Variants in AQP4 observed in about 807,000 individuals in gnomAD.
The protein encoded by AQP4 is aquaporin-4.
In AQP4, 18 loss-of-function variants were observed where a neutral mutation model predicts 27.8. That is an observed-to-expected ratio of 0.65 (90% CI 0.45 to 0.96). The LOEUF is 0.96. Ranked by LOEUF, AQP4 falls within the 40% of genes least tolerant of loss-of-function variation. AQP4 has a pLI of 0.00. For synonymous variants in AQP4, 141 were observed against 142.9 expected (o/e 0.99, Z 0.10); for missense variants, 412 against 408.2 (o/e 1.01, Z -0.08).
At position 26,856,289 on chromosome 18, in the gene AQP4, C is replaced by T. The variant is rs73396660; in HGVS notation, c.894G>A (p.Val298=). The T allele has an allele frequency of 2.7e-4, 436 of 1,614,212 alleles. 1 individual carries two copies. In the African/African-American group the frequency reaches 5.4e-3, roughly 20 times the overall value. ...CCCGGTCAACGTCAATCACATGCAC[C>T]ACTCCAGGTTTTAGAATCAGGTCAT... ...ETDDLILKPG[V]VHVIDVDRGE... is the part of the protein sequence containing the mutation. The change falls in exon 5 of 5, where the codon GTG becomes GTA. Residue 298 remains valine, a synonymous_variant. Transcript: ENST00000383168.
intron 2 of AQP4, chr18:26,861,895 TA>T: frequency 2.1e-6 from 1 of 482,018 alleles, no homozygotes. Flanking sequence ...AAGCTAAATA[TA>T]AAGTCAATAT....
chr18:26,863,647 G>A (rs1011037255), intron 1 of AQP4, among the ~76,000 whole-genome samples: 4 of 152,244 alleles, frequency 2.6e-5, no homozygotes, highest in Non-Finnish European at 5.9e-5. Flanking sequence ...TGCCAGCAAT[G>A]CCCCGGTACC....
chr18:26,859,075 A>T (rs2054893617), intron 4 of AQP4, among the ~76,000 whole-genome samples: 1 of 152,248 alleles, frequency 6.6e-6, no homozygotes. Flanking sequence ...TGTTCCTACT[A>T]TTTAAATCTT....
Position 26,852,577 on chromosome 18 carries a change from T to A in AQP4, c.*3634A>T, listed in dbSNP as rs2054770343. On this transcript the variant is annotated 3_prime_UTR_variant, in exon 5 of 5. Transcript: ENST00000383168. ...TGATCCTTGAATTAAATGTCTTTCA[T>A]TTATTTCAGAGAATTATGAGTTTCA... 8.2e-6 allele frequency: 3 copies of A among 365,556 alleles called. No homozygotes were observed. The highest frequency in any genetic ancestry group is 9.7e-6 in the Non-Finnish European group (2 of 205,600). The allele number at this position is 365,556 out of a possible 1,614,324, so 22.6% of individuals were successfully genotyped here.
At chr18:26,861,981 G>A (rs1186476027) in intron 2 of AQP4, 1 of 651,840 alleles carries the variant, frequency 1.5e-6, no homozygotes, top group South Asian at 2.0e-5. Context: ...TATTTTTAAG[G>A]CACTCAAGAG....
upstream of AQP4, chr18:26,865,738 T>C: frequency 6.2e-7 from 1 of 1,610,468 alleles, no homozygotes; most frequent in Non-Finnish European, 8.5e-7. Context: ...CGCAGCTCCC[T>C]GTGTGCTGGG....
In AQP4 at chr18:26,860,821, G is replaced by A; in HGVS notation, c.644C>T (p.Ala215Val). The A allele has an allele frequency of 6.2e-7, 1 of 1,614,076 alleles. No individual in the cohort carries two copies. The highest frequency in any genetic ancestry group is 1.1e-5 in the South Asian group (1 of 91,080). Residue 215 changes from alanine (A) to valine (V), a missense_variant, in exon 4 of 5, where the codon GCC becomes GTC. Physicochemically the swap from Ala to Val is moderately conservative, Grantham distance 64. Transcript: ENST00000383168. Reference sequence around the variant, plus strand: ...GATAACTGCAGGTCCAAAGGATCGGGCGGGATTCATGCTGGCACCAGTATA... The same window carrying A: ...GATAACTGCAGGTCCAAAGGATCGGACGGGATTCATGCTGGCACCAGTATA... Reference protein sequence around the residue: ...INYTGASMNPARSFGPAVIMG... With the variant: ...INYTGASMNPVRSFGPAVIMG...
intron 4 of AQP4, among the ~76,000 whole-genome samples, chr18:26,859,279 G>A (rs535523092): frequency 6.6e-6 from 1 of 152,334 alleles, no homozygotes; most frequent in Non-Finnish European, 1.5e-5. Context: ...CAGCACTTTG[G>A]GAGGCTGAGG....
At position 26,854,631 on chromosome 18, in the gene AQP4, A is replaced by G. The variant is rs955634091; in HGVS notation, c.*1580T>C. The G allele has an allele frequency of 1.6e-4, 25 of 152,778 alleles. No homozygotes were observed. Among genetic ancestry groups the G allele is most frequent in the African/African-American group, 6.0e-4 (25 of 41,584 alleles). 9.5% of individuals were successfully genotyped at this position (152,778 alleles called of 1,614,324 possible). A position where few individuals can be genotyped will look rare whatever the true frequency, so the allele number is the denominator to read the frequency against. On this transcript the variant is annotated 3_prime_UTR_variant, in exon 5 of 5. Coordinates refer to ENST00000383168, the MANE Select transcript of AQP4 (RefSeq NM_001650.7). The stretch of plus-strand genomic sequence containing the variant: ...AATAGTGGTCCATTATCTCACTGCC[A>G]CAGACACACAACTGCCATTAACGCT...
Position 26,856,298 on chromosome 18 carries a change from T to A in AQP4, c.885A>T (p.Lys295Asn). 1 of 1,614,178 alleles carries A rather than the reference T, an allele frequency of 6.2e-7. No homozygotes were observed. The highest frequency in any genetic ancestry group is 8.5e-7 in the Non-Finnish European group (1 of 1,180,026). Residue 295 changes from lysine to asparagine, a missense_variant, in exon 5 of 5, where the codon AAA becomes AAT. Physicochemically the swap from Lys to Asn is moderately conservative, Grantham distance 94. Transcript: ENST00000383168. ...SQVETDDLIL[K>N]PGVVHVIDVD... The stretch of plus-strand genomic sequence containing the variant: ...CGTCAATCACATGCACCACTCCAGG[T>A]TTTAGAATCAGGTCATCCGTCTCTA...
chr18:26,862,116 G>T, intron 2 of AQP4, 66 bp downstream of exon 2: 3 of 1,563,674 alleles, frequency 1.9e-6, no homozygotes, highest in Non-Finnish European at 2.6e-6. Context: ...TGCCACCAAG[G>T]CATTATTTAG....
intron 4 of AQP4, among the ~76,000 whole-genome samples, chr18:26,859,717 G>T (rs917508612): frequency 6.6e-6 from 1 of 152,150 alleles, no homozygotes; most frequent in South Asian, 2.1e-4. Context: ...TTAAAGATTT[G>T]GTATACTTTT....
At chr18:26,862,658 A>C (rs1323737229) in intron 1 of AQP4, 62 bp from the exon 2 acceptor site, 1 of 1,610,506 alleles carries the variant, frequency 6.2e-7, no homozygotes, top group East Asian at 2.2e-5. Flanking sequence ...ATTTAGGTGA[A>C]GGGAACAAGG....
rs1344285513 is a variant in AQP4, at chr18:26,852,679, A to G, written c.*3532T>C. ...TGTGGTAACAAAAGAGAGTTTTGTT[A>G]CATTACACTTTCCAAATAGTAACCA... On this transcript the variant is annotated 3_prime_UTR_variant, in exon 5 of 5. Transcript: ENST00000383168. 7.6e-6 allele frequency: 3 copies of G among 396,018 alleles called. No individual in the cohort carries two copies. The highest frequency in any genetic ancestry group is 6.2e-5 in the African/African-American group (3 of 48,604). 24.5% of individuals were successfully genotyped at this position (396,018 alleles called of 1,614,324 possible).
chr18:26,864,656 C>T lies in AQP4; in HGVS notation c.32+1002G>A, dbSNP rs571295969. ...TTAGGAGAGTCACTTCTGAACTCACCGGCAGCCCAGGGCTGTAGCCGGGAT... is the reference window on the plus strand; with the variant it reads ...TTAGGAGAGTCACTTCTGAACTCACTGGCAGCCCAGGGCTGTAGCCGGGAT... On this transcript the variant is annotated intron_variant, in intron 1 of 4. Transcript: ENST00000383168. Among the ~76,000 whole-genome samples the T allele has an allele frequency of 1.1e-4, 17 of 152,254 alleles. No individual in the cohort carries two copies. The South Asian group carries it at 3.1e-3, about 28-fold the overall frequency.
At position 26,854,987 on chromosome 18, in the gene AQP4, C is replaced by G. The variant is rs997108907; in HGVS notation, c.*1224G>C. ...ATATATCCAGAAATGAAAGATTGTT[C>G]GTCTAGTAAGCTTTGAATACAGAGT... On this transcript the variant is annotated 3_prime_UTR_variant, in exon 5 of 5. Transcript: ENST00000383168. The G allele has an allele frequency of 6.6e-6, 1 of 152,132 alleles. No homozygotes were observed. The highest frequency in any genetic ancestry group is 1.5e-5 in the Non-Finnish European group (1 of 68,020). 9.4% of individuals were successfully genotyped at this position (152,132 alleles called of 1,614,324 possible). A position where few individuals can be genotyped will look rare whatever the true frequency, so the allele number is the denominator to read the frequency against.
intron 4 of AQP4, among the ~76,000 whole-genome samples, chr18:26,857,690 AC>A (rs1477098043): frequency 3.3e-5 from 5 of 152,164 alleles, no homozygotes; most frequent in African/African-American, 1.2e-4. Flanking sequence ...TGAAGTGCAG[AC>A]ATTTGCTTTA....
At chr18:26,859,710 A>G (rs1182156011) in intron 4 of AQP4, among the ~76,000 whole-genome samples, 4 of 152,128 alleles carry the variant, frequency 2.6e-5, no homozygotes, top group Non-Finnish European at 5.9e-5. Context: ...ATTACTTTTA[A>G]AGATTTGGTA....
intron 4 of AQP4, among the ~76,000 whole-genome samples, chr18:26,858,223 T>C (rs1183965291): frequency 6.6e-6 from 1 of 151,960 alleles, no homozygotes; most frequent in Non-Finnish European, 1.5e-5. Flanking sequence ...CAGTGAGCCA[T>C]GATCGTGACA....
Sources: gnomAD v4.1 joint callset for allele counts (sites outside exome capture counted in the v4.1 genomes callset) on GRCh38, gnomAD v4.1.1 for gene constraint, MANE v1.5 for transcripts, NCBI Gene and HGNC (gene_info 2026-07-23, HGNC 2026-07-21) for gene names.